CEMIP: variants seen among roughly 807,000 people sequenced by gnomAD.
The protein encoded by CEMIP is cell migration-inducing and hyaluronan-binding protein.
In CEMIP, 105 loss-of-function variants were observed where a neutral mutation model predicts 156.9. That is an observed-to-expected ratio of 0.67 (90% CI 0.57 to 0.79). CEMIP has a LOEUF of 0.79. Ranked by LOEUF, CEMIP falls within the 30% of genes least tolerant of loss-of-function variation. The pLI is 0.00. For synonymous variants in CEMIP, 676 were observed against 668.4 expected (o/e 1.01, Z -0.17); for missense variants, 1,457 against 1,769.4 (o/e 0.82, Z 3.17).
chr15:80,927,457 A>T (rs1037155264), intron 19 of CEMIP, among the ~76,000 whole-genome samples: 1 of 152,210 alleles, frequency 6.6e-6, no homozygotes, highest in African/African-American at 2.4e-5. Flanking sequence ...GATGGTGTCA[A>T]TGCCGAAATT....
At chr15:80,840,213 T>C (rs1009850998) in intron 1 of CEMIP, among the ~76,000 whole-genome samples, 6 of 152,050 alleles carry the variant, frequency 3.9e-5, no homozygotes, top group South Asian at 2.1e-4. Flanking sequence ...AGGGCAAGTG[T>C]GATGTGGAAG....
chr15:80,895,364 G>C (rs1899183342), intron 11 of CEMIP, among the ~76,000 whole-genome samples: 1 of 152,206 alleles, frequency 6.6e-6, no homozygotes, highest in Admixed American at 6.5e-5. Flanking sequence ...CAAATGGACA[G>C]AGCTGCCCTC....
At chr15:80,822,288 G>C (rs1340357800) in intron 1 of CEMIP, among the ~76,000 whole-genome samples, 1 of 152,150 alleles carries the variant, frequency 6.6e-6, no homozygotes, top group South Asian at 2.1e-4. Flanking sequence ...GAGCCTCCCT[G>C]TTGCCTGCCG....
At chr15:80,861,151 A>G (rs1213386105) in intron 1 of CEMIP, among the ~76,000 whole-genome samples, 1 of 152,018 alleles carries the variant, frequency 6.6e-6, no homozygotes, top group East Asian at 1.9e-4. Context: ...CCGTGTCTCA[A>G]TGCCTAGAAC....
At chr15:80,923,287 G>A in intron 17 of CEMIP, among the ~76,000 whole-genome samples, 1 of 152,182 alleles carries the variant, frequency 6.6e-6, no homozygotes, top group East Asian at 1.9e-4. Flanking sequence ...CCGGGTAACA[G>A]AGAGGGCATT....
intron 1 of CEMIP, among the ~76,000 whole-genome samples, chr15:80,828,384 G>GA (rs71975281): frequency 0.054 from 7,533 of 140,226 alleles, 331 homozygotes; most frequent in African/African-American, 0.12. Context: ...TGTCTCAAAA[G>GA]AAAAAAAAAA....
At chr15:80,919,166 G>A (rs113672589) in intron 14 of CEMIP, among the ~76,000 whole-genome samples, 2,454 of 152,294 alleles carry the variant, frequency 0.016, 63 homozygotes, top group African/African-American at 0.056. Context: ...CGTTGCAAAT[G>A]TGGCTTGATG....
chr15:80,906,588 G>T lies in CEMIP; in HGVS notation c.1412-75G>T, dbSNP rs1201514992. On this transcript the variant is annotated intron_variant, in intron 12 of 29. Transcript: ENST00000394685. The surrounding 1 kb of genome is among the most constrained non-coding windows in gnomAD (Gnocchi z 4.3). ...CGATGAGTAAGCAGCAGCCATGGAG[G>T]CACCTGGCAGGGGCCCAGAACTCAG... 6.9e-7 allele frequency: 1 copy of T among 1,446,292 alleles called. No homozygotes were observed. Among genetic ancestry groups the T allele is most frequent in the African/African-American group, 1.4e-5 (1 of 71,396 alleles). The allele number at this position is 1,446,292 out of a possible 1,614,324, so 89.6% of individuals were successfully genotyped here.
At chr15:80,803,396 T>G (rs567547097) in intron 1 of CEMIP, among the ~76,000 whole-genome samples, 1 of 152,298 alleles carries the variant, frequency 6.6e-6, no homozygotes, top group Admixed American at 6.5e-5. Flanking sequence ...AGTATTCAAT[T>G]CAATTTTGAC....
intron 21 of CEMIP, among the ~76,000 whole-genome samples, chr15:80,930,674 G>A (rs1430268785): frequency 6.6e-6 from 1 of 152,224 alleles, no homozygotes; most frequent in African/African-American, 2.4e-5. Flanking sequence ...GGAGTCTTTG[G>A]TGCCCACTGA....
Position 80,895,964 on chromosome 15 carries a change from C to G in CEMIP, c.1315C>G (p.Leu439Val). 1 of 1,614,132 alleles carries G rather than the reference C, an allele frequency of 6.2e-7. No individual in the cohort carries two copies. The highest frequency in any genetic ancestry group is 8.5e-7 in the Non-Finnish European group (1 of 1,180,008). Residue 439 changes from leucine (L) to valine (V), a missense_variant, in exon 12 of 30, where the codon CTG becomes GTG. Leu to Val is a conservative substitution (Grantham distance 32). Transcript: ENST00000394685. ...NVQSWKPGDT[L>V]VIASTDYSMY... The stretch of plus-strand genomic sequence containing the variant: ...ACAGTCATGGAAACCTGGAGATACC[C>G]TGGTCATTGCCAGTACTGATTACTC...
chr15:80,907,018 C>T (rs949464077), intron 13 of CEMIP, among the ~76,000 whole-genome samples, 180 bp downstream of exon 13: 1 of 152,094 alleles, frequency 6.6e-6, no homozygotes, highest in Admixed American at 6.5e-5. Flanking sequence ...CAGCTCCCCC[C>T]CCACCAATAT....
intron 18 of CEMIP, among the ~76,000 whole-genome samples, chr15:80,925,081 TA>T (rs1900609769): frequency 6.6e-6 from 1 of 152,210 alleles, no homozygotes; most frequent in South Asian, 2.1e-4. Flanking sequence ...GTCATGCCTA[TA>T]AATAAGCCTA....
rs1038702806 is a variant in CEMIP, at chr15:80,873,285, T to C, written c.-175-253T>C. Among the ~76,000 whole-genome samples, 5 of 152,314 alleles carry C rather than the reference T, an allele frequency of 3.3e-5. No homozygotes were observed. In the East Asian group the frequency reaches 5.8e-4, roughly 18 times the overall value. On this transcript the variant is annotated intron_variant, in intron 1 of 29. Coordinates refer to ENST00000394685, the MANE Select transcript of CEMIP (RefSeq NM_001293298.2). ...TTGCTACATCTTCCTCCTAGATAGATAAGAGGGCTTATAACATGTGGGCAT... is the reference window on the plus strand; with the variant it reads ...TTGCTACATCTTCCTCCTAGATAGACAAGAGGGCTTATAACATGTGGGCAT...
chr15:80,817,549 G>A (rs571529172), intron 1 of CEMIP, among the ~76,000 whole-genome samples: 6 of 151,320 alleles, frequency 4.0e-5, no homozygotes, highest in Middle Eastern at 3.4e-3. Flanking sequence ...TGTGGTGAGC[G>A]GTGATTGCAT....
At chr15:80,937,013 G>A in intron 24 of CEMIP, 128 bp downstream of exon 24, 5 of 872,632 alleles carry the variant, frequency 5.7e-6, no homozygotes, top group Non-Finnish European at 7.5e-6. Flanking sequence ...TACCTAGAGG[G>A]GTTGACATCA....
intron 23 of CEMIP, 32 bp downstream of exon 23, chr15:80,933,492 AC>A (rs1310894162): frequency 3.2e-6 from 5 of 1,547,298 alleles, no homozygotes; most frequent in Non-Finnish European, 3.6e-6. Context: ...CCGGCCACTC[AC>A]TTATTCACTC....
At chr15:80,920,033 C>T in intron 14 of CEMIP, 61 bp from the exon 15 acceptor site, 2 of 1,480,024 alleles carry the variant, frequency 1.4e-6, no homozygotes, top group South Asian at 1.1e-5. Context: ...TTGCTGAATG[C>T]ATGAATGAGC....
At chr15:80,793,420 A>T (rs988036944) in intron 1 of CEMIP, among the ~76,000 whole-genome samples, 1 of 152,228 alleles carries the variant, frequency 6.6e-6, no homozygotes, top group African/African-American at 2.4e-5. Flanking sequence ...TCTCTTACCC[A>T]AAGTGAAGGG....
Sources: allele counts gnomAD v4.1 joint callset (sites outside exome capture counted in the v4.1 genomes callset), GRCh38; gene constraint gnomAD v4.1.1; non-coding constraint Gnocchi (gnomAD v3.1); transcripts MANE v1.5; gene names NCBI Gene and HGNC (gene_info 2026-07-23, HGNC 2026-07-21).